Variants in CDC42BPG observed in about 807,000 individuals in gnomAD.
CDC42BPG encodes the protein CDC42 binding protein kinase gamma.
CDC42BPG carries 157 observed loss-of-function variants against 192.2 expected under a neutral mutation model. That is an observed-to-expected ratio of 0.82 (90% CI 0.72 to 0.93). The LOEUF (loss-of-function observed/expected upper bound fraction) is 0.93. CDC42BPG is among the 40% of genes least tolerant of loss of function. The pLI is 0.00. For missense variants in CDC42BPG, 1,992 were observed against 2,122.1 expected (o/e 0.94, Z 1.20); for synonymous variants, 981 against 918.5 (o/e 1.07, Z -1.23).
At position 64,824,047 on chromosome 11, in the gene CDC42BPG, G is replaced by C; in HGVS notation, c.*426C>G. ...TCACCCAGACGCTAAGCAGAGACGG[G>C]GACATGCCCCATCTTGGCCTCAGCT... On this transcript the variant is annotated 3_prime_UTR_variant, in exon 37 of 37. Coordinates refer to ENST00000342711, the MANE Select transcript of CDC42BPG (RefSeq NM_017525.3). The C allele has an allele frequency of 5.0e-6, 1 of 199,410 alleles. No individual in the cohort carries two copies. The highest frequency in any genetic ancestry group is 6.8e-5 in the South Asian group (1 of 14,734). 12.4% of individuals were successfully genotyped at this position (199,410 alleles called of 1,614,324 possible).
chr11:64,832,971 G>A lies in CDC42BPG; in HGVS notation c.2732-12C>T. The A allele has an allele frequency of 1.3e-6, 2 of 1,517,904 alleles. No individual in the cohort carries two copies. The highest frequency in any genetic ancestry group is 1.8e-6 in the Non-Finnish European group (2 of 1,130,836). 94.0% of individuals were successfully genotyped at this position (1,517,904 alleles called of 1,614,324 possible). ...AAAGTAGCCGCAGGCTGTGGGGAAA[G>A]TGGAGAAGGTGGATGAGGTGAGGCT... is the stretch of plus-strand genomic sequence containing the variant. On this transcript the variant is annotated splice_polypyrimidine_tract_variant and intron_variant, in intron 24 of 36. Transcript: ENST00000342711.
Position 64,837,028 on chromosome 11 carries a change from G to T in CDC42BPG, c.1206-9C>A, listed in dbSNP as rs576282271. On this transcript the variant is annotated splice_polypyrimidine_tract_variant and intron_variant, in intron 9 of 36. Coordinates refer to ENST00000342711, the MANE Select transcript of CDC42BPG (RefSeq NM_017525.3). The stretch of plus-strand genomic sequence containing the variant: ...TGCTCTCAGGACTGTGACTGTAGGG[G>T]GACAGGGGCCATGTTTGTTGGTAGA... The T allele has an allele frequency of 2.5e-5, 40 of 1,607,550 alleles. No homozygotes were observed. The East Asian group carries it at 7.8e-4, about 31-fold the overall frequency.
rs900934090 is a variant in CDC42BPG, at chr11:64,833,644, C to T, written c.2581G>A (p.Ala861Thr). 6.2e-7 allele frequency: 1 copy of T among 1,612,256 alleles called. No homozygotes were observed. Among genetic ancestry groups the T allele is most frequent in the Non-Finnish European group, 8.5e-7 (1 of 1,179,518 alleles). ...SLRMGAVFPR[A>T]PTANTASTEG... ...GTAGAGGCTGTGTTGGCAGTGGGTG[C>T]TCTGGGGAACACAGCCTGCAGGAGG... is the stretch of plus-strand genomic sequence containing the variant. Residue 861 changes from alanine to threonine, a missense_variant, in exon 23 of 37, where the codon GCA (alanine) becomes ACA (threonine). Transcript: ENST00000342711.
In CDC42BPG at chr11:64,840,103, C is replaced by G. The variant is rs773504973; in HGVS notation, c.581+17G>C. 2 of 1,605,780 alleles carry G rather than the reference C, an allele frequency of 1.2e-6. No homozygotes were observed. The highest frequency in any genetic ancestry group is 1.7e-6 in the Non-Finnish European group (2 of 1,176,422). ...AGGGCAGCGGGGTTGGGCAGGGCAGCGGGGTTGGGGCCCCACCTGTGGACA... is the reference window on the plus strand; with the variant it reads ...AGGGCAGCGGGGTTGGGCAGGGCAGGGGGGTTGGGGCCCCACCTGTGGACA... On this transcript the variant is annotated intron_variant, in intron 5 of 36. Transcript: ENST00000342711.
Position 64,832,421 on chromosome 11 carries a change from C to A in CDC42BPG, c.3087+7G>T, listed in dbSNP as rs772419346. The A allele has an allele frequency of 6.2e-7, 1 of 1,612,938 alleles. No homozygotes were observed. Among genetic ancestry groups the A allele is most frequent in the Non-Finnish European group, 8.5e-7 (1 of 1,179,546 alleles). ...GGTGGCTGCTCCATCTCATCCCAGGCACTCACCCTAAAGATGCGTGGCAGG... is the reference window on the plus strand; with the variant it reads ...GGTGGCTGCTCCATCTCATCCCAGGAACTCACCCTAAAGATGCGTGGCAGG... On this transcript the variant is annotated splice_region_variant and intron_variant, in intron 27 of 36. Transcript: ENST00000342711.
Position 64,827,127 on chromosome 11 carries a change from A to G in CDC42BPG, c.4312T>C (p.Ser1438Pro). ...AGGTGGTTGAAGTTGGTAGGCGGCG[A>G]GATGAGCTTGGAGCGCACAAAAGGG... ...KDPFVRSKLI[S>P]PPTNFNHLVH... Residue 1438 changes from serine (S) to proline (P), a missense_variant, in exon 34 of 37, where the codon TCG (serine) becomes CCG (proline). By Grantham distance (74) the Ser-to-Pro change is moderately conservative. Around this residue, in one of 2 missense-constraint regions of CDC42BPG, gnomAD observed 336 missense variants for 277.9 expected, o/e 1.21. Transcript: ENST00000342711. 1 of 1,614,090 alleles carries G rather than the reference A, an allele frequency of 6.2e-7. No individual in the cohort carries two copies. Among genetic ancestry groups the G allele is most frequent in the South Asian group, 1.1e-5 (1 of 91,086 alleles).
At position 64,829,471 on chromosome 11, in the gene CDC42BPG, C is replaced by T. The variant is rs1942580423; in HGVS notation, c.3967G>A (p.Gly1323Arg). ...CTGCCAAGCCCTCAGCAGGCCTTAC[C>T]CCAGCCCATGGGCGCTGCTGGCCAC... The part of the protein sequence containing the change: ...LLWPAAPMGW[G>R]YAAPYLTVFS... The change falls in exon 30 of 37, where the codon GGG becomes AGG. Residue 1323 changes from glycine (G) to arginine (R), a missense_variant and splice_region_variant. Gly to Arg is a moderately radical substitution (Grantham distance 125, BLOSUM62 -2). Coordinates refer to ENST00000342711, the MANE Select transcript of CDC42BPG (RefSeq NM_017525.3). 2 of 1,612,510 alleles carry T rather than the reference C, an allele frequency of 1.2e-6. No individual in the cohort carries two copies. Among genetic ancestry groups the T allele is most frequent in the Non-Finnish European group, 1.7e-6 (2 of 1,179,792 alleles).
chr11:64,824,139 T>C lies in CDC42BPG; in HGVS notation c.*334A>G. ...CAGAGACCCAGTCCCTCTCCATCCC[T>C]CATCCCAACTCTTACAAGCCTCTGG... On this transcript the variant is annotated 3_prime_UTR_variant, in exon 37 of 37. Coordinates refer to ENST00000342711, the MANE Select transcript of CDC42BPG (RefSeq NM_017525.3). 2.6e-6 allele frequency: 1 copy of C among 385,026 alleles called. No individual in the cohort carries two copies. Among genetic ancestry groups the C allele is most frequent in the Non-Finnish European group, 4.9e-6 (1 of 205,090 alleles). The allele number at this position is 385,026 out of a possible 1,614,324, so 23.9% of individuals were successfully genotyped here. A position where few individuals can be genotyped will look rare whatever the true frequency, so the allele number is the denominator to read the frequency against.
chr11:64,834,248 CA>C lies in CDC42BPG; in HGVS notation c.2413+17del. ...CGGGGGAGCCTGGCTCCGGGGCAAG[CA>C]GTTGGCAGCCACTCACCCACTGGCC... is the stretch of plus-strand genomic sequence containing the variant. On this transcript the variant is annotated intron_variant, in intron 20 of 36. Transcript: ENST00000342711. The C allele has an allele frequency of 6.4e-7, 1 of 1,553,952 alleles. No homozygotes were observed. The highest frequency in any genetic ancestry group is 2.4e-5 in the East Asian group (1 of 41,586).
intron 1 of CDC42BPG, 50 bp downstream of exon 1, chr11:64,844,360 G>T: frequency 3.0e-6 from 4 of 1,337,842 alleles, no homozygotes; most frequent in Non-Finnish European, 3.8e-6. Context: ...CGGGGGTCTC[G>T]GCGCGATATC....
rs1348534232 is a variant in CDC42BPG, at chr11:64,823,600, C to T, written c.*873G>A. The T allele has an allele frequency of 2.0e-5, 3 of 152,200 alleles. No individual in the cohort carries two copies. Among genetic ancestry groups the T allele is most frequent in the East Asian group, 3.9e-4 (2 of 5,172 alleles). The allele number at this position is 152,200 out of a possible 1,614,324, so 9.4% of individuals were successfully genotyped here. ...CTGGTTGAAGATTCGAGAAAAACGA[C>T]CCCCTTTCTGGGAAGGGCCAGAGTG... On this transcript the variant is annotated 3_prime_UTR_variant, in exon 37 of 37. Transcript: ENST00000342711.
In CDC42BPG at chr11:64,836,725, G is replaced by GGGGGGGGGA; in HGVS notation, c.1384+13_1384+14insTCCCCCCCC. ...CAGCCCTGGGGGGGGGGGGGGGGTG[G>GGGGGGGGGA]GCGGAAGGGATACCTGGCAGCCTGT... On this transcript the variant is annotated intron_variant, in intron 11 of 36. Coordinates refer to ENST00000342711, the MANE Select transcript of CDC42BPG (RefSeq NM_017525.3). The GGGGGGGGGA allele has an allele frequency of 1.0e-6, 1 of 956,872 alleles. No homozygotes were observed. Among genetic ancestry groups the GGGGGGGGGA allele is most frequent in the Non-Finnish European group, 1.5e-6 (1 of 670,294 alleles). 59.3% of individuals were successfully genotyped at this position (956,872 alleles called of 1,614,324 possible).
Position 64,831,553 on chromosome 11 carries a change from C to T in CDC42BPG, c.3256G>A (p.Asp1086Asn), listed in dbSNP as rs750041105. The change falls in exon 28 of 37, where the codon GAC (aspartate) becomes AAC (asparagine). Residue 1086 changes from aspartate to asparagine, a missense_variant. Transcript: ENST00000342711. Reference protein sequence around the residue: ...RPVYTLKEAYDNGLPLLPHTL... With the variant: ...RPVYTLKEAYNNGLPLLPHTL... ...TGAGGCAGCAGCGGCAGCCCGTTGT[C>T]GTAAGCCTCCTTGAGTGTGTACACG... 1.6e-5 allele frequency: 25 copies of T among 1,612,116 alleles called. No homozygotes were observed. Among genetic ancestry groups the T allele is most frequent in the Admixed American group, 5.0e-5 (3 of 59,998 alleles).
chr11:64,826,674 G>C lies in CDC42BPG; in HGVS notation c.4510C>G (p.Pro1504Ala), dbSNP rs760294420. ...GAGGCTGAGGGGCTGCCCTTACTGG[G>C]GTCTGCGTCTCCACCGAGGCCTTCG... ...GSEGLGGDAD[P>A]MKRKPWTSLS... The change falls in exon 35 of 37, where the codon CCC becomes GCC. Residue 1504 changes from proline to alanine, a missense_variant. Coordinates refer to ENST00000342711, the MANE Select transcript of CDC42BPG (RefSeq NM_017525.3). 79 of 1,569,622 alleles carry C rather than the reference G, an allele frequency of 5.0e-5. No homozygotes were observed. In the South Asian group the frequency reaches 8.5e-4, roughly 17 times the overall value.
chr11:64,830,286 C>T, intron 28 of CDC42BPG, 30 bp from the exon 29 acceptor site: 1 of 1,563,200 alleles, frequency 6.4e-7, no homozygotes, highest in South Asian at 1.2e-5. Context: ...GGTCAGAGGT[C>T]AGCAGTCCCA....
At chr11:64,835,654 C>G in intron 14 of CDC42BPG, 33 bp from the exon 15 acceptor site, 1 of 1,579,286 alleles carries the variant, frequency 6.3e-7, no homozygotes, top group Non-Finnish European at 8.6e-7. Context: ...GGGCAGAGAC[C>G]CAAGATGCCA....
chr11:64,830,774 GC>G (rs1942649085), intron 28 of CDC42BPG, among the ~76,000 whole-genome samples: 2 of 152,180 alleles, frequency 1.3e-5, no homozygotes, highest in Non-Finnish European at 2.9e-5. Flanking sequence ...GCCCTGCTGA[GC>G]CCCAGGTTCA....
chr11:64,831,028 G>A (rs1942660074), intron 28 of CDC42BPG, among the ~76,000 whole-genome samples: 1 of 152,192 alleles, frequency 6.6e-6, no homozygotes, highest in South Asian at 2.1e-4. Flanking sequence ...GACCAGCCTG[G>A]CCAACATGCT....
At chr11:64,836,689 C>T (rs2136338019) in intron 11 of CDC42BPG, 50 bp downstream of exon 11, 1 of 978,294 alleles carries the variant, frequency 1.0e-6, no homozygotes, top group Non-Finnish European at 1.4e-6. Context: ...GACCCGAGCC[C>T]AGGTGGGACT....
Sources: allele counts gnomAD v4.1 joint callset (sites outside exome capture counted in the v4.1 genomes callset), GRCh38; gene constraint gnomAD v4.1.1; regional missense constraint gnomAD v4.1.1; transcripts MANE v1.5; gene names NCBI Gene and HGNC (gene_info 2026-07-23, HGNC 2026-07-21).